The following CLNK variants were observed in gnomAD, a reference collection of about 807,000 sequenced individuals.
CLNK encodes the protein cytokine-dependent hematopoietic cell linker.
CLNK carries 74 observed loss-of-function variants against 68.6 expected under a neutral mutation model. That is an observed-to-expected ratio of 1.08 (90% confidence interval 0.89 to 1.31). CLNK has a LOEUF of 1.31. Ranked by LOEUF, CLNK falls within the 50% of genes most tolerant of loss-of-function variation. The pLI is 0.00. For synonymous variants in CLNK, 198 were observed against 172.2 expected, an observed-to-expected ratio of 1.15 and a Z score of -1.17; for missense variants, 553 against 515.3, an observed-to-expected ratio of 1.07 and a Z score of -0.71.
chr4:10,551,919 C>T (rs543900415), intron 8 of CLNK, among the ~76,000 whole-genome samples: 55 of 149,974 alleles, frequency 3.7e-4, no homozygotes, highest in Non-Finnish European at 7.4e-4. Context: ...ATGATGTCGT[C>T]TCACTGCAAC....
intron 4 of CLNK, among the ~76,000 whole-genome samples, chr4:10,584,635 AC>A (rs1293535394): frequency 2.0e-5 from 3 of 152,254 alleles, no homozygotes; most frequent in East Asian, 1.9e-4. Context: ...GTAGACTTAT[AC>A]CCATTGCACA....
the CLNK span, among the ~76,000 whole-genome samples, chr4:10,729,523 GATAA>G: frequency 4.6e-5 from 7 of 152,070 alleles, no homozygotes; most frequent in African/African-American, 1.4e-4. Context: ...TCCATCAAGG[GATAA>G]ATAAAGAAAA....
At chr4:10,566,403 A>G (rs1356731419) in intron 5 of CLNK, among the ~76,000 whole-genome samples, 1 of 152,220 alleles carries the variant, frequency 6.6e-6, no homozygotes, top group Non-Finnish European at 1.5e-5. Flanking sequence ...GACAGTGCAG[A>G]TGTAATGAAG....
rs564003436 is a variant in CLNK at position 10,552,342 on chromosome 4, G to C, written c.445+6065C>G. Among the ~76,000 whole-genome samples, 3 of 152,250 alleles carry C rather than the reference G, an allele frequency of 2.0e-5. No homozygotes were observed. In the South Asian group the frequency reaches 6.2e-4, roughly 32 times the overall value. On this transcript the variant is annotated intron_variant, in intron 8 of 18. Coordinates refer to ENST00000226951, the MANE Select transcript of CLNK (RefSeq NM_052964.4). ...TAATGGGAAGCCATCAGGCTGGGGG[G>C]ACAAGAACAGCCTGAGTCCAGCTAA...
chr4:10,569,715 C>T (rs537774166), intron 5 of CLNK, among the ~76,000 whole-genome samples: 1 of 152,170 alleles, frequency 6.6e-6, no homozygotes, highest in Non-Finnish European at 1.5e-5. Flanking sequence ...TTAAAATCTG[C>T]AGCCGGCATC....
At chr4:10,613,862 C>A (rs1292331939) in intron 2 of CLNK, among the ~76,000 whole-genome samples, 1 of 119,134 alleles carries the variant, frequency 8.4e-6, no homozygotes, top group East Asian at 2.8e-4. Flanking sequence ...CTGAATAGTT[C>A]ATCTGACTCT....
intron 16 of CLNK, among the ~76,000 whole-genome samples, chr4:10,512,703 C>T (rs114306666): frequency 0.011 from 1,659 of 151,842 alleles, 26 homozygotes; most frequent in African/African-American, 0.038. Context: ...AACTCTGTAG[C>T]AGGACAGTGA....
At chr4:10,731,003 A>G in the CLNK span, among the ~76,000 whole-genome samples, 3 of 152,244 alleles carry the variant, frequency 2.0e-5, no homozygotes, top group Non-Finnish European at 4.4e-5. Flanking sequence ...TGATACACGC[A>G]TACAATGTGT....
chr4:10,564,672 C>T lies in CLNK; in HGVS notation c.398G>A (p.Arg133Lys). 1 of 1,607,166 alleles carries T rather than the reference C, an allele frequency of 6.2e-7. No individual in the cohort carries two copies. ...PTWNTQTRLE[R>K]VDKPISKDVR... Reference sequence around the variant, plus strand: ...TCACAATGTCCAGTCTTTACTCACTCTTTCCAACCTCGTCTGTGTGTTCCA... The same window carrying T: ...TCACAATGTCCAGTCTTTACTCACTTTTTCCAACCTCGTCTGTGTGTTCCA... The change falls in exon 7 of 19, where the codon AGA becomes AAA. Residue 133 changes from arginine to lysine, a missense_variant and splice_region_variant. Coordinates refer to ENST00000226951, the MANE Select transcript of CLNK (RefSeq NM_052964.4).
intron 16 of CLNK, among the ~76,000 whole-genome samples, chr4:10,509,321 G>A (rs1717463770): frequency 6.6e-6 from 1 of 152,090 alleles, no homozygotes; most frequent in Non-Finnish European, 1.5e-5. Flanking sequence ...GTATGAGCTA[G>A]CTCTAACTCA....
Position 10,586,859 on chromosome 4 carries a change from C to G in CLNK, c.84-1904G>C, listed in dbSNP as rs568239886. On this transcript the variant is annotated intron_variant, in intron 3 of 18. Coordinates refer to ENST00000226951, the MANE Select transcript of CLNK (RefSeq NM_052964.4). ...TTCCGCATTTTACCCATTTCACTTCCTTGATGACTAGTGAGATTGAATTTC... is the reference window on the plus strand; with the variant it reads ...TTCCGCATTTTACCCATTTCACTTCGTTGATGACTAGTGAGATTGAATTTC... 2.6e-5 allele frequency among the ~76,000 whole-genome samples: 4 copies of G among 152,258 alleles called. No homozygotes were observed. In the East Asian group the frequency reaches 7.7e-4, roughly 29 times the overall value.
At chr4:10,724,273 G>T in the CLNK span, among the ~76,000 whole-genome samples, 2 of 152,006 alleles carry the variant, frequency 1.3e-5, no homozygotes, top group Non-Finnish European at 2.9e-5. Flanking sequence ...TACCTGCATG[G>T]ATAACTCCCT....
chr4:10,569,028 G>A (rs1289988690), intron 5 of CLNK, among the ~76,000 whole-genome samples: 1 of 152,168 alleles, frequency 6.6e-6, no homozygotes, highest in African/African-American at 2.4e-5. Context: ...CAACTGCAAT[G>A]TGAAATTTTG....
chr4:10,503,327 T>A (rs537470071), intron 17 of CLNK, among the ~76,000 whole-genome samples: 61 of 151,896 alleles, frequency 4.0e-4, no homozygotes, highest in African/African-American at 1.2e-3. Flanking sequence ...CCAGGCATGG[T>A]ATCATGTCCC....
chr4:10,532,743 C>T (rs572626543), intron 11 of CLNK, among the ~76,000 whole-genome samples: 21 of 152,112 alleles, frequency 1.4e-4, no homozygotes, highest in African/African-American at 3.4e-4. Flanking sequence ...TGATAAAGAA[C>T]GAAGATCTGA....
intron 2 of CLNK, among the ~76,000 whole-genome samples, chr4:10,655,816 G>GT (rs1340612420): frequency 6.6e-6 from 1 of 151,542 alleles, no homozygotes; most frequent in Non-Finnish European, 1.5e-5. Flanking sequence ...CGCCCAGCTA[G>GT]TTTTTTGTAT....
At chr4:10,729,171 T>G in the CLNK span, among the ~76,000 whole-genome samples, 1 of 152,208 alleles carries the variant, frequency 6.6e-6, no homozygotes, top group Non-Finnish European at 1.5e-5. Context: ...TTGTGTCCTG[T>G]TTGGCACTCT....
At chr4:10,721,605 T>C in the CLNK span, among the ~76,000 whole-genome samples, 8 of 152,220 alleles carry the variant, frequency 5.3e-5, no homozygotes, top group African/African-American at 1.9e-4. Flanking sequence ...GCTGATGAAG[T>C]CAATTTGTCC....
Position 10,489,094 on chromosome 4 carries a change from C to G in CLNK, c.*1373G>C, listed in dbSNP as rs1381116647. The G allele has an allele frequency of 1.3e-5, 2 of 150,890 alleles. No individual in the cohort carries two copies. Among genetic ancestry groups the G allele is most frequent in the Non-Finnish European group, 2.9e-5 (2 of 67,862 alleles). 9.3% of individuals were successfully genotyped at this position (150,890 alleles called of 1,614,324 possible). A position where few individuals can be genotyped will look rare whatever the true frequency, so the allele number is the denominator to read the frequency against. On this transcript the variant is annotated 3_prime_UTR_variant, in exon 19 of 19. Transcript: ENST00000226951. ...CTTTTTTTTTAAATTAGCTTTTCAA[C>G]TTGATTGTAAAATGTCACAGCGCAG...
Sources: allele counts gnomAD v4.1 joint callset (sites outside exome capture counted in the v4.1 genomes callset), GRCh38; gene constraint gnomAD v4.1.1; transcripts MANE v1.5; gene names NCBI Gene and HGNC (gene_info 2026-07-23, HGNC 2026-07-21).